MAP3K5: variants seen among roughly 807,000 people sequenced by gnomAD.
MAP3K5 encodes mitogen-activated protein kinase kinase kinase 5.
MAP3K5 carries 56 observed loss-of-function variants against 158.7 expected under a neutral mutation model. The observed-to-expected ratio is 0.35, with a 90% CI of 0.28 to 0.44. The LOEUF is 0.44. MAP3K5 is among the 20% of genes least tolerant of loss of function. MAP3K5 has a pLI of 1.00. For missense variants in MAP3K5, 1,294 were observed against 1,674.8 expected (o/e 0.77, Z 3.97); for synonymous variants, 579 against 601.7 (o/e 0.96, Z 0.55).
intron 1 of MAP3K5, among the ~76,000 whole-genome samples, chr6:136,754,408 T>C (rs1783373681): frequency 1.3e-5 from 2 of 151,844 alleles, no homozygotes; most frequent in Non-Finnish European, 2.9e-5. Context: ...TGAAACCCTG[T>C]TTCTACTGAA....
chr6:136,748,911 G>C (rs1783073715), intron 1 of MAP3K5, among the ~76,000 whole-genome samples: 1 of 152,218 alleles, frequency 6.6e-6, no homozygotes, highest in African/African-American at 2.4e-5. Context: ...AAGAAAATCA[G>C]CCAGTGGCTG....
chr6:136,636,685 G>T, intron 14 of MAP3K5: 1 of 301,970 alleles, frequency 3.3e-6, no homozygotes, highest in Non-Finnish European at 4.9e-6. Flanking sequence ...GCTCACGCCT[G>T]TAATTCTAGT....
intron 23 of MAP3K5, among the ~76,000 whole-genome samples, chr6:136,584,770 C>G (rs73777936): frequency 0.018 from 2,756 of 152,264 alleles, 69 homozygotes; most frequent in African/African-American, 0.062. Flanking sequence ...AAAAGATGTG[C>G]AAACTCCGGG....
chr6:136,646,563 C>A (rs919776171), intron 11 of MAP3K5, among the ~76,000 whole-genome samples: 1 of 152,182 alleles, frequency 6.6e-6, no homozygotes, highest in African/African-American at 2.4e-5. Flanking sequence ...CTAGGCCTTG[C>A]TAATCGCTAA....
intron 8 of MAP3K5, among the ~76,000 whole-genome samples, chr6:136,659,830 T>C (rs1158259385): frequency 3.9e-5 from 6 of 152,226 alleles, no homozygotes; most frequent in Non-Finnish European, 1.5e-5. Flanking sequence ...ATGTTCTTAA[T>C]GCCACTGAAG....
chr6:136,688,966 G>A (rs1185195665), intron 7 of MAP3K5, among the ~76,000 whole-genome samples: 2 of 151,884 alleles, frequency 1.3e-5, no homozygotes, highest in Admixed American at 6.6e-5. Context: ...TAAAAGGGCT[G>A]CACAATTACA....
chr6:136,657,872 A>G (rs73777952), intron 9 of MAP3K5, among the ~76,000 whole-genome samples: 5,980 of 152,318 alleles, frequency 0.039, 371 homozygotes, highest in African/African-American at 0.13. Context: ...TAAACCCAGG[A>G]GTGTGACAAG....
At chr6:136,792,751 T>A (rs1785146828), upstream of MAP3K5, among the ~76,000 whole-genome samples, 1 of 152,162 alleles carries the variant, frequency 6.6e-6, no homozygotes, top group African/African-American at 2.4e-5. The surrounding 1 kb of genome is among the most constrained non-coding windows in gnomAD (Gnocchi z 5.7). Flanking sequence ...CGGGTGGATT[T>A]CCTCCTCCTT....
At chr6:136,562,087 C>T (rs1187062667) in intron 27 of MAP3K5, among the ~76,000 whole-genome samples, 3 of 152,304 alleles carry the variant, frequency 2.0e-5, no homozygotes, top group Admixed American at 1.3e-4. Flanking sequence ...TTCTCCCCAG[C>T]TATGCCTTTT....
At chr6:136,673,232 AAC>A (rs1779560833) in intron 7 of MAP3K5, among the ~76,000 whole-genome samples, 1 of 152,210 alleles carries the variant, frequency 6.6e-6, no homozygotes, top group Non-Finnish European at 1.5e-5. Context: ...AACCCGACTC[AAC>A]TGCATTTGTT....
Position 136,695,885 on chromosome 6 carries a change from T to G in MAP3K5, c.1082+66A>C, listed in dbSNP as rs1028775810. The stretch of plus-strand genomic sequence containing the variant: ...GCAATGCTGCAGTGAACACATTCTC[T>G]GTAAAGAATTGCAGGTTACACAATA... On this transcript the variant is annotated intron_variant, in intron 6 of 29. Transcript: ENST00000359015. 4.4e-6 allele frequency: 4 copies of G among 900,314 alleles called. No individual in the cohort carries two copies. The African/African-American group carries it at 6.6e-5, about 15-fold the overall frequency. The allele number at this position is 900,314 out of a possible 1,614,324, so 55.8% of individuals were successfully genotyped here. A position where few individuals can be genotyped will look rare whatever the true frequency, so the allele number is the denominator to read the frequency against.
In MAP3K5 at chr6:136,609,528, C is replaced by T. The variant is rs533990226; in HGVS notation, c.2521+1754G>A. ...TGAGTTCTGGCTAGGCGTGGGGGTT[C>T]GCACATGTAATCCCAGCACTTTGGG... On this transcript the variant is annotated intron_variant, in intron 18 of 29. Transcript: ENST00000359015. This position sits in a 1 kb window ranked among gnomAD's most constrained non-coding sequence, Gnocchi z 4.4. Among the ~76,000 whole-genome samples, 8 of 152,180 alleles carry T rather than the reference C, an allele frequency of 5.3e-5. No homozygotes were observed. The East Asian group carries it at 7.7e-4, about 15-fold the overall frequency.
rs556836241 is a variant in MAP3K5, at chr6:136,698,820, C to T, written c.613-138G>A. 22 of 595,458 alleles carry T rather than the reference C, an allele frequency of 3.7e-5. No homozygotes were observed. In the East Asian group the frequency reaches 3.9e-4, roughly 10 times the overall value. 36.9% of individuals were successfully genotyped at this position (595,458 alleles called of 1,614,324 possible). A position where few individuals can be genotyped will look rare whatever the true frequency, so the allele number is the denominator to read the frequency against. ...AGCCTCATTATTTATTTATGACCTA[C>T]GACAATGAAAATTTCCCCAATTCCT... On this transcript the variant is annotated intron_variant, in intron 3 of 29. Coordinates refer to ENST00000359015, the MANE Select transcript of MAP3K5 (RefSeq NM_005923.4).
chr6:136,733,929 G>GAGACCAT (rs1458351528), intron 1 of MAP3K5, among the ~76,000 whole-genome samples: 1 of 152,102 alleles, frequency 6.6e-6, no homozygotes, highest in Non-Finnish European at 1.5e-5. Flanking sequence ...TACAGAGTAT[G>GAGACCAT]AGACCATAAC....
At chr6:136,698,177 C>T (rs1780687671) in intron 4 of MAP3K5, among the ~76,000 whole-genome samples, 1 of 152,170 alleles carries the variant, frequency 6.6e-6, no homozygotes, top group African/African-American at 2.4e-5. Flanking sequence ...ATTGTTCTTG[C>T]CCTTACACTA....
chr6:136,776,311 A>G (rs965648375), intron 1 of MAP3K5, among the ~76,000 whole-genome samples: 3 of 152,174 alleles, frequency 2.0e-5, no homozygotes, highest in African/African-American at 7.2e-5. Flanking sequence ...TGGCGCAATT[A>G]TGGCTCACTG....
intron 15 of MAP3K5, among the ~76,000 whole-genome samples, chr6:136,620,318 A>G (rs910079339): frequency 3.3e-5 from 5 of 152,190 alleles, no homozygotes; most frequent in African/African-American, 9.7e-5. Flanking sequence ...ATTGGGTTAC[A>G]TACTCACTAC....
chr6:136,735,990 C>CT, intron 1 of MAP3K5, among the ~76,000 whole-genome samples: 1 of 152,130 alleles, frequency 6.6e-6, no homozygotes, highest in Non-Finnish European at 1.5e-5. Flanking sequence ...ACCATTATTG[C>CT]TGTAGAAAGA....
chr6:136,690,244 T>C (rs961785526), intron 7 of MAP3K5, among the ~76,000 whole-genome samples: 1 of 152,194 alleles, frequency 6.6e-6, no homozygotes, highest in African/African-American at 2.4e-5. Context: ...ATGACTGTTT[T>C]TAAACATTCT....
Sources: allele counts gnomAD v4.1 joint callset (sites outside exome capture counted in the v4.1 genomes callset), GRCh38; gene constraint gnomAD v4.1.1; non-coding constraint Gnocchi (gnomAD v3.1); transcripts MANE v1.5; gene names NCBI Gene and HGNC (gene_info 2026-07-23, HGNC 2026-07-21).